Variants in MLXIP observed in about 807,000 individuals in gnomAD.
MLXIP encodes the protein MLX-interacting protein.
In MLXIP, 30 loss-of-function variants were observed where a neutral mutation model predicts 87.2. That is an observed-to-expected ratio of 0.34 (90% CI 0.26 to 0.47). The LOEUF (loss-of-function observed/expected upper bound fraction) is 0.47. MLXIP is among the 20% of genes least tolerant of loss of function. MLXIP has a pLI of 1.00. For missense variants in MLXIP, 1,002 were observed against 1,240.1 expected, an observed-to-expected ratio of 0.81 and a Z score of 2.88; for synonymous variants, 530 against 514.0, an observed-to-expected ratio of 1.03 and a Z score of -0.42.
At chr12:122,139,273 A>G (rs1039977364) in intron 15 of MLXIP, among the ~76,000 whole-genome samples, 1 of 152,220 alleles carries the variant, frequency 6.6e-6, no homozygotes, top group Non-Finnish European at 1.5e-5. Flanking sequence ...ACAGCCTGGC[A>G]GCCAGCTCGG....
intron 1 of MLXIP, among the ~76,000 whole-genome samples, chr12:122,111,002 A>G (rs979977961): frequency 1.8e-4 from 27 of 148,348 alleles, no homozygotes; most frequent in Admixed American, 9.5e-4. Context: ...GCGTGAACCC[A>G]GGAGGCGGAG....
At position 122,146,946 on chromosome 12, in the gene MLXIP, G is replaced by C. The variant is rs1953313334; in HGVS notation, c.*5134G>C. 1 of 152,226 alleles carries C rather than the reference G, an allele frequency of 6.6e-6. No homozygotes were observed. Among genetic ancestry groups the C allele is most frequent in the African/African-American group, 2.4e-5 (1 of 41,454 alleles). 9.4% of individuals were successfully genotyped at this position (152,226 alleles called of 1,614,324 possible). On this transcript the variant is annotated 3_prime_UTR_variant, in exon 17 of 17. Transcript: ENST00000319080. ...AGCTCCAGGCCATCCCCTACGGGCT[G>C]CCCACAGTGCCCCCTTTTCTCTAGC... is the stretch of plus-strand genomic sequence containing the variant.
At chr12:122,115,884 C>G (rs1952682551) in intron 1 of MLXIP, among the ~76,000 whole-genome samples, 1 of 152,124 alleles carries the variant, frequency 6.6e-6, no homozygotes, top group Non-Finnish European at 1.5e-5. Flanking sequence ...AAAACCCTGT[C>G]TCTACAAAAA....
At chr12:122,124,137 A>G (rs1404795473) in intron 1 of MLXIP, among the ~76,000 whole-genome samples, 2 of 146,230 alleles carry the variant, frequency 1.4e-5, no homozygotes, top group Non-Finnish European at 3.0e-5. Flanking sequence ...CATGAGGGGA[A>G]CCTCCCCGCC....
chr12:122,138,045 T>C, intron 12 of MLXIP, 149 bp from the exon 13 acceptor site: 4 of 658,078 alleles, frequency 6.1e-6, no homozygotes, highest in South Asian at 4.0e-5. Context: ...CGGCTCCTCA[T>C]TGGAGCCTTC....
At chr12:122,114,718 C>T (rs1047696515) in intron 1 of MLXIP, among the ~76,000 whole-genome samples, 2 of 150,442 alleles carry the variant, frequency 1.3e-5, no homozygotes, top group Non-Finnish European at 3.0e-5. Context: ...GGCTTGACCT[C>T]TCTTTGGGAA....
intron 1 of MLXIP, among the ~76,000 whole-genome samples, chr12:122,123,303 C>T (rs1025260072): frequency 3.9e-5 from 6 of 152,202 alleles, no homozygotes; most frequent in East Asian, 1.9e-4. Flanking sequence ...TGCAGGCCGT[C>T]GACCCTTTCC....
intron 3 of MLXIP, 120 bp downstream of exon 3, chr12:122,128,088 G>A (rs6489238): frequency 0.49 from 426,385 of 869,114 alleles, 105,679 homozygotes; most frequent in African/African-American, 0.61. Flanking sequence ...CGCCTGCCCT[G>A]CGCCATCCAT....
Position 122,082,477 on chromosome 12 carries a change from T to G in MLXIP, c.413+3211T>G. 1.3e-5 allele frequency among the ~76,000 whole-genome samples: 2 copies of G among 152,160 alleles called. 1 individual carries two copies. Among genetic ancestry groups the G allele is most frequent in the East Asian group, 3.8e-4 (2 of 5,202 alleles). On this transcript the variant is annotated intron_variant, in intron 1 of 16. Transcript: ENST00000319080. Reference sequence around the variant, plus strand: ...GATCAGCAGAGATAACCTCTGGGAATGGAGCTGGGAATGGGGCTAGTGCCT... The same window carrying G: ...GATCAGCAGAGATAACCTCTGGGAAGGGAGCTGGGAATGGGGCTAGTGCCT...
intron 1 of MLXIP, among the ~76,000 whole-genome samples, chr12:122,123,924 A>G (rs1192115286): frequency 1.3e-5 from 2 of 152,104 alleles, no homozygotes; most frequent in Non-Finnish European, 2.9e-5. Flanking sequence ...TGGGGCCACC[A>G]CAGGCCAGGC....
chr12:122,110,820 G>T (rs553830470), intron 1 of MLXIP, among the ~76,000 whole-genome samples: 4 of 151,586 alleles, frequency 2.6e-5, no homozygotes, highest in Non-Finnish European at 5.9e-5. Flanking sequence ...GCTCACGCCT[G>T]TAATCCCAGC....
chr12:122,126,542 G>C (rs1260548771), intron 1 of MLXIP, among the ~76,000 whole-genome samples: 4 of 152,176 alleles, frequency 2.6e-5, no homozygotes, highest in Non-Finnish European at 4.4e-5. Flanking sequence ...AATAGGCCCT[G>C]CCCTGCAGGC....
At chr12:122,138,126 G>T in intron 12 of MLXIP, 68 bp from the exon 13 acceptor site, 6 of 1,385,012 alleles carry the variant, frequency 4.3e-6, no homozygotes, top group Non-Finnish European at 5.0e-6. Flanking sequence ...ATCAGCGTAG[G>T]GGGTGAGGAA....
At position 122,141,586 on chromosome 12, in the gene MLXIP, G is replaced by A. The variant is rs187520079; in HGVS notation, c.2639-105G>A. On this transcript the variant is annotated intron_variant, in intron 16 of 16. Transcript: ENST00000319080. ...CTGCAGTCCAGCATGGCTGCTGCTC[G>A]CCCCGTGCCTGAGCATTCCCACATG... The A allele has an allele frequency of 7.3e-3, 11,067 of 1,513,164 alleles. 54 individuals carry two copies. The highest frequency in any genetic ancestry group is 8.9e-3 in the Non-Finnish European group (10,093 of 1,128,156). The allele number at this position is 1,513,164 out of a possible 1,614,324, so 93.7% of individuals were successfully genotyped here. A position where few individuals can be genotyped will look rare whatever the true frequency, so the allele number is the denominator to read the frequency against.
At position 122,137,813 on chromosome 12, in the gene MLXIP, C is replaced by A. The variant is rs1463805004; in HGVS notation, c.2154+223C>A. ...GGTGAGCCCCAAGCCTGGGAGCCAACGCTGAGTCCACGTAGTGTGCAGGTA... is the reference window on the plus strand; with the variant it reads ...GGTGAGCCCCAAGCCTGGGAGCCAAAGCTGAGTCCACGTAGTGTGCAGGTA... On this transcript the variant is annotated intron_variant, in intron 12 of 16. Coordinates refer to ENST00000319080, the MANE Select transcript of MLXIP (RefSeq NM_014938.6). This position sits in a 1 kb window ranked among gnomAD's most constrained non-coding sequence, Gnocchi z 4.1. Among the ~76,000 whole-genome samples, 1 of 152,240 alleles carries A rather than the reference C, an allele frequency of 6.6e-6. No individual in the cohort carries two copies. Among genetic ancestry groups the A allele is most frequent in the Non-Finnish European group, 1.5e-5 (1 of 68,034 alleles).
In MLXIP at chr12:122,079,061, C is replaced by T; in HGVS notation, c.208C>T (p.Pro70Ser). ...TCGGGCCGGGCCGGGCCGCGAGGAA[C>T]CTCCGCGCCGCCAGCAGATCATCCA... ...PPRAGPGREE[P>S]PRRQQIIHSG... Residue 70 changes from proline to serine, a missense_variant, in exon 1 of 17, where the codon CCT (proline) becomes TCT (serine). By Grantham distance (74) the Pro-to-Ser change is moderately conservative. Around this residue, in one of 3 missense-constraint regions of MLXIP, gnomAD observed 129 missense variants for 104.2 expected, o/e 1.24. Coordinates refer to ENST00000319080, the MANE Select transcript of MLXIP (RefSeq NM_014938.6). The T allele has an allele frequency of 6.6e-7, 1 of 1,518,598 alleles. No individual in the cohort carries two copies. Among genetic ancestry groups the T allele is most frequent in the Non-Finnish European group, 8.8e-7 (1 of 1,135,218 alleles). 94.1% of individuals were successfully genotyped at this position (1,518,598 alleles called of 1,614,324 possible).
rs149001684 is a variant in MLXIP, at chr12:122,099,544, C to T, written c.413+20278C>T. Among the ~76,000 whole-genome samples, 317 of 152,356 alleles carry T rather than the reference C, an allele frequency of 2.1e-3. 4 individuals carry two copies. The highest frequency in any genetic ancestry group is 0.018 in the Admixed American group (272 of 15,306). ...TTCCCCACCTGCTGTCCCTGCAGCCCGGGCTGATTTCCCCAATGACCTTTT... is the reference window on the plus strand; with the variant it reads ...TTCCCCACCTGCTGTCCCTGCAGCCTGGGCTGATTTCCCCAATGACCTTTT... On this transcript the variant is annotated intron_variant, in intron 1 of 16. Transcript: ENST00000319080.
At position 122,135,075 on chromosome 12, in the gene MLXIP, A is replaced by G; in HGVS notation, c.1733-149A>G. 1 of 905,304 alleles carries G rather than the reference A, an allele frequency of 1.1e-6. No individual in the cohort carries two copies. The allele number at this position is 905,304 out of a possible 1,614,324, so 56.1% of individuals were successfully genotyped here. On this transcript the variant is annotated intron_variant, in intron 9 of 16. Transcript: ENST00000319080. This position sits in a 1 kb window ranked among gnomAD's most constrained non-coding sequence, Gnocchi z 5.3. ...TAACATGTCTCCTTCAAGAAGTCAC[A>G]CAAATGGTTTTAGGTGCCTTGGTGG...
At chr12:122,098,186 G>A (rs1389384226) in intron 1 of MLXIP, among the ~76,000 whole-genome samples, 1 of 152,226 alleles carries the variant, frequency 6.6e-6, no homozygotes, top group Non-Finnish European at 1.5e-5. Flanking sequence ...ACCCTGATTG[G>A]TAAAATAGGG....
Sources: allele counts gnomAD v4.1 joint callset (sites outside exome capture counted in the v4.1 genomes callset), GRCh38; gene constraint gnomAD v4.1.1; regional missense constraint gnomAD v4.1.1; non-coding constraint Gnocchi (gnomAD v3.1); transcripts MANE v1.5; gene names NCBI Gene and HGNC (gene_info 2026-07-23, HGNC 2026-07-21).